Variants in RELN observed in about 807,000 individuals in gnomAD.
RELN encodes the protein reelin.
Under a neutral mutation model 427.6 loss-of-function variants are expected in RELN, and 108 were observed. That is an observed-to-expected ratio of 0.25 (90% CI 0.22 to 0.30). The LOEUF (loss-of-function observed/expected upper bound fraction) is 0.30, where lower values mean the gene tolerates loss of function less well. RELN is among the 10% of genes least tolerant of loss of function. The pLI is 1.00. For missense variants in RELN, 3,715 were observed against 4,302.8 expected (o/e 0.86, Z 3.82); for synonymous variants, 1,524 against 1,513.4 (o/e 1.01, Z -0.16).
At chr7:103,740,205 G>A (rs1187255874) in intron 6 of RELN, among the ~76,000 whole-genome samples, 1 of 152,194 alleles carries the variant, frequency 6.6e-6, no homozygotes, top group Non-Finnish European at 1.5e-5. Context: ...GTAGGAGGAG[G>A]AGAATATAAA....
chr7:103,660,058 T>C (rs923074893), intron 12 of RELN, among the ~76,000 whole-genome samples: 1 of 152,158 alleles, frequency 6.6e-6, no homozygotes, highest in Non-Finnish European at 1.5e-5. Context: ...ATTAATCTTA[T>C]ATAAAGACAA....
chr7:103,946,214 T>C (rs1386449567), intron 1 of RELN, among the ~76,000 whole-genome samples: 1 of 152,236 alleles, frequency 6.6e-6, no homozygotes, highest in African/African-American at 2.4e-5. Flanking sequence ...AATGTAAAGT[T>C]ATCCTAAGGT....
chr7:103,540,480 G>T (rs1457238401), intron 43 of RELN, 25 bp from the exon 44 acceptor site: 5 of 1,611,558 alleles, frequency 3.1e-6, no homozygotes, highest in Non-Finnish European at 3.4e-6. Flanking sequence ...CGTTACTGAA[G>T]ACTTTCACTT....
At chr7:103,857,727 G>A (rs1354601223) in intron 2 of RELN, among the ~76,000 whole-genome samples, 1 of 152,148 alleles carries the variant, frequency 6.6e-6, no homozygotes, top group Non-Finnish European at 1.5e-5. Context: ...GCTCCTTAGA[G>A]GACCGCCAAG....
At chr7:103,883,157 A>T (rs1052551414) in intron 2 of RELN, among the ~76,000 whole-genome samples, 2 of 152,204 alleles carry the variant, frequency 1.3e-5, no homozygotes, top group African/African-American at 4.8e-5. Flanking sequence ...AACGTAATCC[A>T]TCACATAAAC....
At chr7:103,521,292 T>C (rs1829704251) in intron 48 of RELN, among the ~76,000 whole-genome samples, 1 of 152,204 alleles carries the variant, frequency 6.6e-6, no homozygotes, top group South Asian at 2.1e-4. Context: ...TTTGTTATTT[T>C]AAAACATTAA....
chr7:103,816,630 A>G (rs1246749995), intron 3 of RELN, among the ~76,000 whole-genome samples: 7 of 151,730 alleles, frequency 4.6e-5, no homozygotes, highest in African/African-American at 1.2e-4. Flanking sequence ...TTTATCTAAC[A>G]TTGCAACCAT....
chr7:103,695,541 C>T (rs138094457), intron 10 of RELN, among the ~76,000 whole-genome samples: 4 of 152,216 alleles, frequency 2.6e-5, no homozygotes, highest in Non-Finnish European at 2.9e-5. Flanking sequence ...CAAAACCACA[C>T]CTCATGCATT....
At chr7:103,860,528 C>T (rs1794047908) in intron 2 of RELN, among the ~76,000 whole-genome samples, 1 of 151,972 alleles carries the variant, frequency 6.6e-6, no homozygotes, top group Non-Finnish European at 1.5e-5. Flanking sequence ...TTTATTGATG[C>T]TTACTATATA....
chr7:103,691,614 A>T (rs1175095361), intron 10 of RELN, among the ~76,000 whole-genome samples: 1 of 152,052 alleles, frequency 6.6e-6, no homozygotes, highest in Non-Finnish European at 1.5e-5. Context: ...GAAGTTCCAG[A>T]CCAGCCTGCC....
chr7:103,666,670 T>C (rs1833274446), intron 11 of RELN, among the ~76,000 whole-genome samples: 2 of 152,188 alleles, frequency 1.3e-5, no homozygotes, highest in African/African-American at 4.8e-5. Context: ...GGTTCTGCAT[T>C]TGCGTTTGTG....
chr7:103,692,473 A>G (rs1221360703), intron 10 of RELN, among the ~76,000 whole-genome samples: 1 of 152,106 alleles, frequency 6.6e-6, no homozygotes, highest in Non-Finnish European at 1.5e-5. Context: ...TGGAGGATTA[A>G]GGATCTGAAA....
chr7:103,773,399 CTG>C (rs1791650568), intron 4 of RELN, among the ~76,000 whole-genome samples: 1 of 97,806 alleles, frequency 1.0e-5, no homozygotes. Flanking sequence ...CGCTCCCTCC[CTG>C]TCTCTCTCTC....
intron 61 of RELN, among the ~76,000 whole-genome samples, chr7:103,485,412 C>G (rs777220246): frequency 7.2e-5 from 11 of 152,148 alleles, no homozygotes; most frequent in Non-Finnish European, 1.5e-4. Flanking sequence ...TGTAAACTAT[C>G]TTCCCATTAA....
At chr7:103,651,571 G>A in intron 15 of RELN, 90 bp downstream of exon 15, 2 of 1,323,994 alleles carry the variant, frequency 1.5e-6, no homozygotes, top group Non-Finnish European at 2.2e-6. Context: ...TACCTATTAT[G>A]ACAAAAATGC....
intron 11 of RELN, among the ~76,000 whole-genome samples, chr7:103,680,700 C>A (rs1833633601): frequency 6.6e-6 from 1 of 150,716 alleles, no homozygotes; most frequent in Non-Finnish European, 1.5e-5. Flanking sequence ...TTTTTTCCCT[C>A]TAGGGTCTCC....
intron 2 of RELN, among the ~76,000 whole-genome samples, chr7:103,897,629 T>A (rs756522767): frequency 5.9e-5 from 9 of 152,000 alleles, no homozygotes; most frequent in African/African-American, 9.7e-5. Context: ...GCTAAAGAAA[T>A]CTTATTTTAA....
intron 2 of RELN, among the ~76,000 whole-genome samples, chr7:103,914,315 C>G (rs950523638): frequency 2.0e-4 from 30 of 151,940 alleles, no homozygotes; most frequent in African/African-American, 6.3e-4. Context: ...TGACAAATGA[C>G]AGTTTGTCAG....
chr7:103,818,007 C>T (rs1036021868), intron 3 of RELN, among the ~76,000 whole-genome samples: 11 of 149,370 alleles, frequency 7.4e-5, no homozygotes, highest in African/African-American at 2.5e-4. Flanking sequence ...AGCCAATTCT[C>T]ACTTTTTAAA....
Sources: gnomAD v4.1 joint callset for allele counts (sites outside exome capture counted in the v4.1 genomes callset) on GRCh38, gnomAD v4.1.1 for gene constraint, MANE v1.5 for transcripts, NCBI Gene and HGNC (gene_info 2026-07-23, HGNC 2026-07-21) for gene names.